Variants in AGBL1 observed in about 807,000 individuals in gnomAD.
AGBL1 encodes AGBL carboxypeptidase 1.
A neutral mutation model predicts 118.9 loss-of-function variants in AGBL1; 130 were observed. The observed-to-expected ratio is 1.09, with a 90% CI of 0.95 to 1.26. AGBL1 has a LOEUF of 1.26. Ranked by LOEUF, AGBL1 falls within the 50% of genes most tolerant of loss-of-function variation. AGBL1 has a pLI of 0.00. For synonymous variants in AGBL1, 555 were observed against 478.9 expected (o/e 1.16, Z -2.08); for missense variants, 1,584 against 1,298.1 (o/e 1.22, Z -3.38).
chr15:86,885,034 A>G (rs898041362), intron 22 of AGBL1, among the ~76,000 whole-genome samples: 38 of 152,164 alleles, frequency 2.5e-4, no homozygotes, highest in Admixed American at 7.2e-4. Context: ...TCTATTTTAC[A>G]ATGCTATTTT....
At chr15:86,105,712 A>G (rs1027262463) in intron 1 of AGBL1, among the ~76,000 whole-genome samples, 2 of 152,170 alleles carry the variant, frequency 1.3e-5, no homozygotes, top group Non-Finnish European at 2.9e-5. Flanking sequence ...TGGTTAATAG[A>G]TCCCTCAGTT....
At chr15:86,369,069 G>T (rs1427358790) in intron 17 of AGBL1, among the ~76,000 whole-genome samples, 2 of 152,104 alleles carry the variant, frequency 1.3e-5, no homozygotes, top group Non-Finnish European at 2.9e-5. Flanking sequence ...TGAAGATGAA[G>T]AAAGTCTACC....
chr15:86,321,021 C>CAT (rs905100196), intron 17 of AGBL1, among the ~76,000 whole-genome samples: 1 of 152,086 alleles, frequency 6.6e-6, no homozygotes, highest in Non-Finnish European at 1.5e-5. Flanking sequence ...TTAGGATTTG[C>CAT]ATATATATTC....
intron 18 of AGBL1, among the ~76,000 whole-genome samples, chr15:86,468,969 G>T (rs757115749): frequency 3.3e-5 from 5 of 152,168 alleles, no homozygotes; most frequent in Middle Eastern, 6.8e-3. Context: ...CAAATTGTAT[G>T]TATTTATGGT....
chr15:86,729,668 C>T (rs2077502424), intron 22 of AGBL1, among the ~76,000 whole-genome samples: 1 of 152,148 alleles, frequency 6.6e-6, no homozygotes, highest in African/African-American at 2.4e-5. Flanking sequence ...TTTGTCTGTC[C>T]AGCCCACTGT....
At chr15:86,396,865 A>C (rs1002338190) in intron 17 of AGBL1, among the ~76,000 whole-genome samples, 3 of 152,204 alleles carry the variant, frequency 2.0e-5, no homozygotes, top group African/African-American at 7.2e-5. Flanking sequence ...AATCAATCTC[A>C]GATTTGTGAC....
rs80297816 is a variant in AGBL1, at chr15:86,758,966, CAAAAAA to C, written c.3158+84543_3158+84548del. Among the ~76,000 whole-genome samples the C allele has an allele frequency of 7.4e-5, 6 of 80,908 alleles. No homozygotes were observed. The East Asian group carries it at 1.4e-3, about 19-fold the overall frequency. The allele number at this position is 80,908 out of a possible 152,430, so 53.1% of individuals were successfully genotyped here. Reference sequence around the variant, plus strand: ...CCAGCCTGGATGACAGACACCCTGTCAAAAAAAAAAAAAAAAAAGAAAAAAAAAAGA... The same window carrying C: ...CCAGCCTGGATGACAGACACCCTGTCAAAAAAAAAAAAGAAAAAAAAAAGA... On this transcript the variant is annotated intron_variant, in intron 22 of 22. Coordinates refer to ENST00000614907, the MANE Select transcript of AGBL1 (RefSeq NM_001386094.1).
intron 6 of AGBL1, among the ~76,000 whole-genome samples, chr15:86,246,547 T>G (rs560544035): frequency 1.8e-4 from 27 of 152,168 alleles, no homozygotes; most frequent in Non-Finnish European, 3.4e-4. Context: ...CCATTGGGTT[T>G]TACTGTGGTC....
At chr15:86,117,890 A>G (rs1195535695) in intron 1 of AGBL1, among the ~76,000 whole-genome samples, 1 of 152,204 alleles carries the variant, frequency 6.6e-6, no homozygotes, top group Non-Finnish European at 1.5e-5. Flanking sequence ...GGGAATCTGT[A>G]GTTTAGAAAG....
chr15:86,710,526 C>T (rs367758903), intron 22 of AGBL1, among the ~76,000 whole-genome samples: 9 of 152,078 alleles, frequency 5.9e-5, no homozygotes, highest in East Asian at 1.9e-4. Context: ...TGTGAGGCAG[C>T]GTAGATTTGT....
In AGBL1 at chr15:86,554,392, C is replaced by T. The variant is rs1308322756; in HGVS notation, c.2849C>T (p.Pro950Leu). 6.3e-7 allele frequency: 1 copy of T among 1,585,652 alleles called. No individual in the cohort carries two copies. Among genetic ancestry groups the T allele is most frequent in the Non-Finnish European group, 8.6e-7 (1 of 1,165,940 alleles). ...TLPKILDKLAPAFTMSSCSFL... is the reference protein window; with the variant it reads ...TLPKILDKLALAFTMSSCSFL... ...CCCAAAATCCTTGATAAGCTAGCAC[C>T]AGCATTCACAATGAGCAGCTGCAGC... Residue 950 changes from proline to leucine, a missense_variant, in exon 21 of 23, where the codon CCA becomes CTA. Physicochemically the swap from Pro to Leu is moderately conservative, Grantham distance 98. Coordinates refer to ENST00000614907, the MANE Select transcript of AGBL1 (RefSeq NM_001386094.1).
chr15:86,939,934 C>A (rs1371546237), intron 23 of AGBL1, among the ~76,000 whole-genome samples: 1 of 151,656 alleles, frequency 6.6e-6, no homozygotes, highest in East Asian at 1.9e-4. Context: ...TACACTGGCC[C>A]AGGTGGAACC....
chr15:86,880,853 C>G (rs1302143022), intron 22 of AGBL1, among the ~76,000 whole-genome samples: 2 of 152,116 alleles, frequency 1.3e-5, no homozygotes, highest in Non-Finnish European at 2.9e-5. Flanking sequence ...TCTTCTCCTG[C>G]AGCCTTGGCC....
intron 1 of AGBL1, among the ~76,000 whole-genome samples, chr15:86,133,263 T>C (rs1419189763): frequency 6.6e-6 from 1 of 152,232 alleles, no homozygotes; most frequent in Non-Finnish European, 1.5e-5. Flanking sequence ...AACTTTGCCA[T>C]AGGACTTTGC....
At chr15:86,466,084 C>A (rs111948741) in intron 18 of AGBL1, among the ~76,000 whole-genome samples, 7,521 of 152,208 alleles carry the variant, frequency 0.049, 661 homozygotes, top group African/African-American at 0.17. Flanking sequence ...TCAGACCGGC[C>A]GACACTTAGG....
chr15:87,014,110 G>A (rs1055381230), intron 24 of AGBL1, among the ~76,000 whole-genome samples: 12 of 152,066 alleles, frequency 7.9e-5, no homozygotes, highest in Non-Finnish European at 1.3e-4. Flanking sequence ...ACATTGCTTG[G>A]TTTAAGGCTG....
At chr15:86,807,444 A>G (rs985206921) in intron 22 of AGBL1, among the ~76,000 whole-genome samples, 1 of 152,172 alleles carries the variant, frequency 6.6e-6, no homozygotes, top group East Asian at 1.9e-4. Context: ...TGCTGATGAC[A>G]ACAGTGGTAG....
chr15:86,736,043 C>T (rs928738332), intron 22 of AGBL1, among the ~76,000 whole-genome samples: 2 of 152,012 alleles, frequency 1.3e-5, no homozygotes, highest in Non-Finnish European at 2.9e-5. Flanking sequence ...AGGTCTATGA[C>T]CTCAAAGAGC....
chr15:86,141,318 CAG>C (rs2076960072), intron 1 of AGBL1, among the ~76,000 whole-genome samples: 1 of 152,194 alleles, frequency 6.6e-6, no homozygotes, highest in African/African-American at 2.4e-5. Context: ...GTCTTTTCGT[CAG>C]AACATTTTAG....
Sources: allele counts gnomAD v4.1 joint callset (sites outside exome capture counted in the v4.1 genomes callset), GRCh38; gene constraint gnomAD v4.1.1; transcripts MANE v1.5; gene names NCBI Gene and HGNC (gene_info 2026-07-23, HGNC 2026-07-21).